The following DSCAM variants were observed in gnomAD, a reference collection of about 807,000 sequenced individuals.
DSCAM encodes DS cell adhesion molecule.
In DSCAM, 47 loss-of-function variants were observed where a neutral mutation model predicts 217.7. The ratio of observed to expected loss-of-function variants is 0.22; its 90% CI spans 0.17 to 0.28. The LOEUF (loss-of-function observed/expected upper bound fraction) is 0.28. Among genes scored for constraint, DSCAM ranks in the 10% least tolerant of loss-of-function variants. The pLI is 1.00. For synonymous variants in DSCAM, 1,056 were observed against 1,015.3 expected (o/e 1.04, Z -0.76); for missense variants, 2,080 against 2,618.3 (o/e 0.79, Z 4.49).
At chr21:40,461,441 T>G (rs1291453165) in intron 3 of DSCAM, among the ~76,000 whole-genome samples, 2 of 152,186 alleles carry the variant, frequency 1.3e-5, no homozygotes, top group Non-Finnish European at 2.9e-5. Flanking sequence ...GATACTTTAT[T>G]TCCCTGGGTT....
chr21:40,266,937 A>G (rs1033052286), intron 11 of DSCAM, among the ~76,000 whole-genome samples: 3 of 150,340 alleles, frequency 2.0e-5, no homozygotes, highest in African/African-American at 7.4e-5. Context: ...GAAAAAGCAA[A>G]TAATGCATGT....
intron 3 of DSCAM, among the ~76,000 whole-genome samples, chr21:40,676,335 G>C (rs1273763356): frequency 6.6e-6 from 1 of 152,180 alleles, no homozygotes; most frequent in Non-Finnish European, 1.5e-5. Flanking sequence ...TCAAAGTCAT[G>C]CATCAGGCCT....
intron 3 of DSCAM, among the ~76,000 whole-genome samples, chr21:40,642,576 T>G (rs1197238245): frequency 1.3e-5 from 2 of 152,064 alleles, no homozygotes; most frequent in Non-Finnish European, 2.9e-5. Flanking sequence ...TGTAATTCTA[T>G]TTTCATTTTT....
chr21:40,142,413 A>T, intron 18 of DSCAM, 145 bp downstream of exon 18: 1 of 867,602 alleles, frequency 1.2e-6, no homozygotes, highest in Non-Finnish European at 1.7e-6. Context: ...ATGTCAGATG[A>T]GGGATGACAG....
chr21:40,198,328 C>T (rs1370535518), intron 11 of DSCAM, among the ~76,000 whole-genome samples: 1 of 152,126 alleles, frequency 6.6e-6, no homozygotes, highest in Non-Finnish European at 1.5e-5. Flanking sequence ...TATCCCACTT[C>T]CTCTGGCATG....
intron 11 of DSCAM, among the ~76,000 whole-genome samples, chr21:40,216,619 T>A (rs111632853): frequency 0.018 from 2,708 of 152,274 alleles, 98 homozygotes; most frequent in African/African-American, 0.062. Context: ...AAAATGTCAA[T>A]ACTGTTTAAA....
intron 15 of DSCAM, among the ~76,000 whole-genome samples, chr21:40,167,871 C>T (rs2090614759): frequency 1.3e-5 from 2 of 152,172 alleles, no homozygotes; most frequent in South Asian, 4.1e-4. Context: ...TGAGACCATC[C>T]TGGCTAACAC....
At position 40,557,571 on chromosome 21, in the gene DSCAM, G is replaced by A. The variant is rs540661596; in HGVS notation, c.508+135239C>T. On this transcript the variant is annotated intron_variant, in intron 3 of 32. Coordinates refer to ENST00000400454, the MANE Select transcript of DSCAM (RefSeq NM_001389.5). Reference sequence around the variant, plus strand: ...AAGATGGTCTCGATCTCCTGACCTCGTGATCTGCCCACCTCGTCTTCCCAA... The same window carrying A: ...AAGATGGTCTCGATCTCCTGACCTCATGATCTGCCCACCTCGTCTTCCCAA... Among the ~76,000 whole-genome samples, 64 of 152,110 alleles carry A rather than the reference G, an allele frequency of 4.2e-4. 1 individual carries two copies. Among genetic ancestry groups the A allele is most frequent in the Admixed American group, 3.7e-3 (56 of 15,278 alleles).
chr21:40,218,037 C>T (rs967250056), intron 11 of DSCAM, among the ~76,000 whole-genome samples: 2 of 152,128 alleles, frequency 1.3e-5, no homozygotes, highest in African/African-American at 4.8e-5. Context: ...GCTTGTGTTG[C>T]AATTGCTTTT....
intron 10 of DSCAM, among the ~76,000 whole-genome samples, chr21:40,291,508 G>A (rs1479656826): frequency 1.3e-5 from 2 of 152,122 alleles, no homozygotes; most frequent in Non-Finnish European, 2.9e-5. Context: ...TCCTCTCCCA[G>A]GACTTCCTTT....
At chr21:40,645,047 A>G (rs1356794626) in intron 3 of DSCAM, among the ~76,000 whole-genome samples, 1 of 152,210 alleles carries the variant, frequency 6.6e-6, no homozygotes, top group Non-Finnish European at 1.5e-5. Flanking sequence ...ACAGAAGCAT[A>G]CACATACCGG....
chr21:40,541,960 G>C (rs889088597), intron 3 of DSCAM, among the ~76,000 whole-genome samples: 5 of 152,138 alleles, frequency 3.3e-5, no homozygotes, highest in African/African-American at 7.2e-5. Flanking sequence ...TGATCAAAAA[G>C]AATGTCACTT....
At chr21:40,143,951 A>G (rs1475319141) in intron 17 of DSCAM, among the ~76,000 whole-genome samples, 3 of 152,278 alleles carry the variant, frequency 2.0e-5, no homozygotes, top group Non-Finnish European at 4.4e-5. Flanking sequence ...ATTTTCAAGC[A>G]CTACTGGAAA....
chr21:40,428,521 C>T (rs2075498687), intron 3 of DSCAM, among the ~76,000 whole-genome samples: 2 of 152,086 alleles, frequency 1.3e-5, no homozygotes, highest in African/African-American at 4.8e-5. Flanking sequence ...CCACCCGCCT[C>T]AGCCTCCAAA....
chr21:40,538,935 G>A (rs1018707052), intron 3 of DSCAM, among the ~76,000 whole-genome samples: 2 of 152,160 alleles, frequency 1.3e-5, no homozygotes, highest in African/African-American at 4.8e-5. Context: ...GGATGAAACA[G>A]CACAAAGGAA....
chr21:40,312,441 G>A (rs1390941075), intron 8 of DSCAM, 82 bp from the exon 9 acceptor site: 1 of 1,483,632 alleles, frequency 6.7e-7, no homozygotes, highest in East Asian at 2.5e-5. Flanking sequence ...GGCACTGAAA[G>A]GGTAGTACAG....
chr21:40,514,027 A>C (rs1235633378), intron 3 of DSCAM, among the ~76,000 whole-genome samples: 1 of 152,218 alleles, frequency 6.6e-6, no homozygotes, highest in Non-Finnish European at 1.5e-5. Flanking sequence ...TACAGAATTC[A>C]TAAGGAACCT....
intron 3 of DSCAM, among the ~76,000 whole-genome samples, chr21:40,374,004 G>A (rs2074925264): frequency 1.3e-5 from 2 of 152,084 alleles, no homozygotes; most frequent in Admixed American, 1.3e-4. Context: ...GAGTGACTAA[G>A]CTGAATAATA....
At chr21:40,621,077 C>T (rs144645710) in intron 3 of DSCAM, among the ~76,000 whole-genome samples, 1 of 152,094 alleles carries the variant, frequency 6.6e-6, no homozygotes, top group African/African-American at 2.4e-5. Flanking sequence ...GTTGGGAGAC[C>T]AGGGATAAAA....
Sources: gnomAD v4.1 joint callset for allele counts (sites outside exome capture counted in the v4.1 genomes callset) on GRCh38, gnomAD v4.1.1 for gene constraint, MANE v1.5 for transcripts, NCBI Gene and HGNC (gene_info 2026-07-23, HGNC 2026-07-21) for gene names.